Variants in ABCG4 observed in about 807,000 individuals in gnomAD.
ABCG4 encodes the protein ATP binding cassette subfamily G member 4.
In ABCG4, 35 loss-of-function variants were observed where a neutral mutation model predicts 64.6. The observed-to-expected ratio is 0.54, with a 90% CI of 0.41 to 0.72. The LOEUF (loss-of-function observed/expected upper bound fraction) is 0.72. Ranked by LOEUF, ABCG4 falls within the 30% of genes least tolerant of loss-of-function variation. ABCG4 has a pLI of 0.00. For synonymous variants in ABCG4, 326 were observed against 348.2 expected (o/e 0.94, Z 0.71); for missense variants, 610 against 846.3 (o/e 0.72, Z 3.46).
chr11:119,150,215 C>T lies in ABCG4; in HGVS notation c.238+12C>T. The T allele has an allele frequency of 4.3e-6, 7 of 1,610,368 alleles. No individual in the cohort carries two copies. The highest frequency in any genetic ancestry group is 5.9e-6 in the Non-Finnish European group (7 of 1,177,460). ...CTGGCGCAAAAGGGGTAGGGAACAGCCTGGTAGGGGGAGTCCGTGGGCCCT... is the reference window on the plus strand; with the variant it reads ...CTGGCGCAAAAGGGGTAGGGAACAGTCTGGTAGGGGGAGTCCGTGGGCCCT... On this transcript the variant is annotated intron_variant, in intron 2 of 14. Coordinates refer to ENST00000619701, the MANE Select transcript of ABCG4 (RefSeq NM_022169.5). The surrounding 1 kb of genome is among the most constrained non-coding windows in gnomAD (Gnocchi z 4.3).
At position 119,162,464 on chromosome 11, in the gene ABCG4, C is replaced by T. The variant is rs900568556; in HGVS notation, c.*1358C>T. 2.0e-5 allele frequency: 3 copies of T among 152,618 alleles called. No individual in the cohort carries two copies. Among genetic ancestry groups the T allele is most frequent in the Non-Finnish European group, 4.4e-5 (3 of 68,092 alleles). 9.5% of individuals were successfully genotyped at this position (152,618 alleles called of 1,614,324 possible). Reference sequence around the variant, plus strand: ...GCAGACACACTCAGAGCATGTCTGGCTTTCCTGGTGGGTCCAGGCTCATTC... The same window carrying T: ...GCAGACACACTCAGAGCATGTCTGGTTTTCCTGGTGGGTCCAGGCTCATTC... On this transcript the variant is annotated 3_prime_UTR_variant, in exon 15 of 15. Coordinates refer to ENST00000619701, the MANE Select transcript of ABCG4 (RefSeq NM_022169.5).
rs1394142380 is a variant in ABCG4, at chr11:119,161,248, C to G, written c.*142C>G. ...CTCCCTTGGCTCCTCCACAGGCTGG[C>G]TGTCGGACTGCGCTCCCAGCCTGGG... On this transcript the variant is annotated 3_prime_UTR_variant, in exon 15 of 15. Transcript: ENST00000619701. The G allele has an allele frequency of 1.4e-6, 1 of 737,580 alleles. No homozygotes were observed. Among genetic ancestry groups the G allele is most frequent in the African/African-American group, 1.8e-5 (1 of 56,312 alleles). The allele number at this position is 737,580 out of a possible 1,614,324, so 45.7% of individuals were successfully genotyped here.
rs763318675 is a variant in ABCG4, at chr11:119,161,153, A to G, written c.*47A>G. The G allele has an allele frequency of 1.3e-6, 2 of 1,564,342 alleles. No individual in the cohort carries two copies. Among genetic ancestry groups the G allele is most frequent in the Non-Finnish European group, 1.7e-6 (2 of 1,145,254 alleles). ...CCAGCCCCTGCAGCAGGAAGCCCCC[A>G]GTCCCAGCCCTTTGGGACTGTTTTA... On this transcript the variant is annotated 3_prime_UTR_variant, in exon 15 of 15. Transcript: ENST00000619701.
In ABCG4 at chr11:119,160,239, G is replaced by A; in HGVS notation, c.1450G>A (p.Val484Met). The change falls in exon 13 of 15, where the codon GTG becomes ATG. Residue 484 changes from valine (V) to methionine (M), a missense_variant. Coordinates refer to ENST00000619701, the MANE Select transcript of ABCG4 (RefSeq NM_022169.5). The surrounding 1 kb of genome is among the most constrained non-coding windows in gnomAD (Gnocchi z 4.6). ...ADVPFQVVCPVVYCSIVYWMT... is the reference protein window; with the variant it reads ...ADVPFQVVCPMVYCSIVYWMT... ...GCCCACTCCCCAGGTGGTGTGTCCG[G>A]TGGTCTACTGCAGCATTGTGTACTG... The A allele has an allele frequency of 6.2e-7, 1 of 1,610,438 alleles. No homozygotes were observed. Among genetic ancestry groups the A allele is most frequent in the African/African-American group, 1.3e-5 (1 of 74,952 alleles).
At position 119,161,445 on chromosome 11, in the gene ABCG4, T is replaced by G; in HGVS notation, c.*339T>G. On this transcript the variant is annotated 3_prime_UTR_variant, in exon 15 of 15. Transcript: ENST00000619701. The stretch of plus-strand genomic sequence containing the variant: ...TCCTCTGCTGTCTGCCTGGGAGCCC[T>G]AGGCTCTCTAGGGCCCCACTTACAA... The G allele has an allele frequency of 4.3e-6, 1 of 234,010 alleles. No individual in the cohort carries two copies. Among genetic ancestry groups the G allele is most frequent in the Non-Finnish European group, 8.5e-6 (1 of 117,810 alleles). 14.5% of individuals were successfully genotyped at this position (234,010 alleles called of 1,614,324 possible). A position where few individuals can be genotyped will look rare whatever the true frequency, so the allele number is the denominator to read the frequency against.
rs1209610204 is a variant in ABCG4 at position 119,160,729 on chromosome 11, GT to G, written c.1715+74del. On this transcript the variant is annotated intron_variant, in intron 14 of 14. Coordinates refer to ENST00000619701, the MANE Select transcript of ABCG4 (RefSeq NM_022169.5). This position sits in a 1 kb window ranked among gnomAD's most constrained non-coding sequence, Gnocchi z 4.6. Reference sequence around the variant, plus strand: ...GTCCATACCCAGGGCTTCCTGGGTTGTGCCAAGTCTGCTGCCTGCCCCATTA... The same window carrying G: ...GTCCATACCCAGGGCTTCCTGGGTTGGCCAAGTCTGCTGCCTGCCCCATTA... 10 of 1,514,834 alleles carry G rather than the reference GT, an allele frequency of 6.6e-6. No homozygotes were observed. In the East Asian group the frequency reaches 2.3e-4, roughly 34 times the overall value. 93.8% of individuals were successfully genotyped at this position (1,514,834 alleles called of 1,614,324 possible). A position where few individuals can be genotyped will look rare whatever the true frequency, so the allele number is the denominator to read the frequency against.
chr11:119,160,837 G>A lies in ABCG4; in HGVS notation c.1716-44G>A. ...CTCTGGCAGTTTTCTCAGAGAGCAG[G>A]GACCCTGTGTGCTGTATCCCATCTG... On this transcript the variant is annotated intron_variant, in intron 14 of 14. Transcript: ENST00000619701. This position sits in a 1 kb window ranked among gnomAD's most constrained non-coding sequence, Gnocchi z 4.6. 1.3e-6 allele frequency: 2 copies of A among 1,587,444 alleles called. No homozygotes were observed. Among genetic ancestry groups the A allele is most frequent in the Non-Finnish European group, 1.7e-6 (2 of 1,159,784 alleles).
rs35060365 is a variant in ABCG4, at chr11:119,157,001, C to T, written c.1055C>T (p.Pro352Leu). The T allele has an allele frequency of 4.7e-3, 7,578 of 1,607,900 alleles. 193 individuals carry two copies. In the African/African-American group the frequency reaches 0.067, roughly 14 times the overall value. Residue 352 changes from proline (P) to leucine (L), a missense_variant, in exon 9 of 15, where the codon CCT becomes CTT. Coordinates refer to ENST00000619701, the MANE Select transcript of ABCG4 (RefSeq NM_022169.5). ...PEKNEVPAPC[P>L]PCPPEVDPIE... ...AAGAACGAGGTCCCTGCCCCATGCC[C>T]TCCTTGTCCTCCGGTGAGTAGGGGT...
rs1288088916 is a variant in ABCG4 at position 119,162,104 on chromosome 11, ATGT to A, written c.*1001_*1003del. ...GTGCCAACCTCCTCCTGGGGATCCCATGTTGGAGACTCTAAGGATAAGGCTGGT... is the reference window on the plus strand; with the variant it reads ...GTGCCAACCTCCTCCTGGGGATCCCATGGAGACTCTAAGGATAAGGCTGGT... On this transcript the variant is annotated 3_prime_UTR_variant, in exon 15 of 15. Coordinates refer to ENST00000619701, the MANE Select transcript of ABCG4 (RefSeq NM_022169.5). The A allele has an allele frequency of 6.5e-6, 1 of 152,858 alleles. No individual in the cohort carries two copies. Among genetic ancestry groups the A allele is most frequent in the African/African-American group, 2.4e-5 (1 of 41,404 alleles). 9.5% of individuals were successfully genotyped at this position (152,858 alleles called of 1,614,324 possible).
chr11:119,160,956 C>T lies in ABCG4; in HGVS notation c.1791C>T (p.Cys597=). The change falls in exon 15 of 15, where the codon TGC becomes TGT. Residue 597 remains cysteine (C), a synonymous_variant. Transcript: ENST00000619701. The surrounding 1 kb of genome is among the most constrained non-coding windows in gnomAD (Gnocchi z 4.6). ...RGDLTCLEER[C]PFREPQSILR... ...ACCTGACATGTTTAGAGGAACGCTG[C>T]CCGTTCCGGGAGCCACAGAGCATCC... is the stretch of plus-strand genomic sequence containing the variant. 1 of 1,614,092 alleles carries T rather than the reference C, an allele frequency of 6.2e-7. No homozygotes were observed. The highest frequency in any genetic ancestry group is 8.5e-7 in the Non-Finnish European group (1 of 1,179,966).
chr11:119,161,251 T>C lies in ABCG4; in HGVS notation c.*145T>C. On this transcript the variant is annotated 3_prime_UTR_variant, in exon 15 of 15. Coordinates refer to ENST00000619701, the MANE Select transcript of ABCG4 (RefSeq NM_022169.5). ...CCTTGGCTCCTCCACAGGCTGGCTG[T>C]CGGACTGCGCTCCCAGCCTGGGCTC... The C allele has an allele frequency of 1.4e-6, 1 of 722,116 alleles. No homozygotes were observed. Among genetic ancestry groups the C allele is most frequent in the South Asian group, 1.9e-5 (1 of 52,464 alleles). 44.7% of individuals were successfully genotyped at this position (722,116 alleles called of 1,614,324 possible).
intron 9 of ABCG4, among the ~76,000 whole-genome samples, chr11:119,157,630 C>T (rs1948282656): frequency 6.6e-6 from 1 of 152,254 alleles, no homozygotes; most frequent in South Asian, 2.1e-4. Flanking sequence ...AATCCCAGCA[C>T]TTTGGGAGGC....
rs765996611 is a variant in ABCG4, at chr11:119,150,023, A to T, written c.58A>T (p.Met20Leu). 6.2e-7 allele frequency: 1 copy of T among 1,612,934 alleles called. No individual in the cohort carries two copies. The highest frequency in any genetic ancestry group is 8.5e-7 in the Non-Finnish European group (1 of 1,179,970). ...TGGACTAGGGCCGGGGGCTGTGGCC[A>T]TGGCCGTGACGCTGGAGGACGGGGC... ...GCGLGPGAVAMAVTLEDGAEP... is the reference protein window; with the variant it reads ...GCGLGPGAVALAVTLEDGAEP... The change falls in exon 2 of 15, where the codon ATG (methionine) becomes TTG (leucine). Residue 20 changes from methionine (M) to leucine (L), a missense_variant. Transcript: ENST00000619701. This position sits in a 1 kb window ranked among gnomAD's most constrained non-coding sequence, Gnocchi z 4.3.
intron 2 of ABCG4, chr11:119,152,849 C>T (rs1948210494): frequency 6.6e-6 from 1 of 152,238 alleles, no homozygotes; most frequent in Non-Finnish European, 1.5e-5. Context: ...TTTCCTCTTT[C>T]CCCCCGACTC....
At position 119,156,965 on chromosome 11, in the gene ABCG4, G is replaced by A; in HGVS notation, c.1019G>A (p.Ser340Asn). The A allele has an allele frequency of 7.4e-6, 12 of 1,613,938 alleles. No homozygotes were observed. Among genetic ancestry groups the A allele is most frequent in the Non-Finnish European group, 1.0e-5 (12 of 1,179,940 alleles). Residue 340 changes from serine (S) to asparagine (N), a missense_variant, in exon 9 of 15, where the codon AGC becomes AAC. Physicochemically the swap from Ser to Asn is conservative, Grantham distance 46 (BLOSUM62 1). Transcript: ENST00000619701. This position sits in a 1 kb window ranked among gnomAD's most constrained non-coding sequence, Gnocchi z 5.5. ...NGLCAMAEKK[S>N]SPEKNEVPAP... Reference sequence around the variant, plus strand: ...CTGTGCGCTATGGCTGAGAAGAAGAGCAGCCCTGAGAAGAACGAGGTCCCT... The same window carrying A: ...CTGTGCGCTATGGCTGAGAAGAAGAACAGCCCTGAGAAGAACGAGGTCCCT...
intron 2 of ABCG4, chr11:119,152,851 C>T (rs1195565563): frequency 1.3e-5 from 2 of 152,228 alleles, no homozygotes; most frequent in African/African-American, 4.8e-5. Context: ...TCCTCTTTCC[C>T]CCCGACTCAC....
chr11:119,154,099 A>G lies in ABCG4; in HGVS notation c.312A>G (p.Ser104=). The G allele has an allele frequency of 2.5e-6, 4 of 1,614,200 alleles. No individual in the cohort carries two copies. The highest frequency in any genetic ancestry group is 3.4e-6 in the Non-Finnish European group (4 of 1,180,036). The change falls in exon 3 of 15, where the codon TCA becomes TCG. Residue 104 remains serine (S), a synonymous_variant. Coordinates refer to ENST00000619701, the MANE Select transcript of ABCG4 (RefSeq NM_022169.5). The surrounding 1 kb of genome is among the most constrained non-coding windows in gnomAD (Gnocchi z 7.0). ...RRELIGIMGP[S]GAGKSTFMNI... The stretch of plus-strand genomic sequence containing the variant: ...AGCTGATTGGCATCATGGGCCCCTC[A>G]GGGGCTGGCAAGTCTACATTCATGA...
rs1441910745 is a variant in ABCG4, at chr11:119,149,727, T to C, written c.-12-227T>C. 1.7e-6 allele frequency: 1 copy of C among 601,696 alleles called. No individual in the cohort carries two copies. The allele number at this position is 601,696 out of a possible 1,614,324, so 37.3% of individuals were successfully genotyped here. On this transcript the variant is annotated intron_variant, in intron 1 of 14. Transcript: ENST00000619701. This position sits in a 1 kb window ranked among gnomAD's most constrained non-coding sequence, Gnocchi z 8.3. ...AGAAGCCGCCGGGAGGAAGGAGCGA[T>C]TGAGGGCTTCAAGGGGACGGGCTGG... is the stretch of plus-strand genomic sequence containing the variant.
rs1253951491 is a variant in ABCG4 at position 119,149,482 on chromosome 11, C to A, written c.-13+119C>A. 1 of 154,874 alleles carries A rather than the reference C, an allele frequency of 6.5e-6. No homozygotes were observed. Among genetic ancestry groups the A allele is most frequent in the African/African-American group, 2.4e-5 (1 of 41,434 alleles). The allele number at this position is 154,874 out of a possible 1,614,324, so 9.6% of individuals were successfully genotyped here. ...CCGGGGCACGCGGGCCCGGGGGTGCCGGCGGGAGGGGCCGGCCTGGGCGTC... is the reference window on the plus strand; with the variant it reads ...CCGGGGCACGCGGGCCCGGGGGTGCAGGCGGGAGGGGCCGGCCTGGGCGTC... On this transcript the variant is annotated intron_variant, in intron 1 of 14. Coordinates refer to ENST00000619701, the MANE Select transcript of ABCG4 (RefSeq NM_022169.5). This position sits in a 1 kb window ranked among gnomAD's most constrained non-coding sequence, Gnocchi z 8.3.
Sources: allele counts gnomAD v4.1 joint callset (sites outside exome capture counted in the v4.1 genomes callset), GRCh38; gene constraint gnomAD v4.1.1; non-coding constraint Gnocchi (gnomAD v3.1); transcripts MANE v1.5; gene names NCBI Gene and HGNC (gene_info 2026-07-23, HGNC 2026-07-21).